Variants in MTBP observed in about 807,000 individuals in gnomAD.
The protein encoded by MTBP is mdm2-binding protein.
In MTBP, 101 loss-of-function variants were observed where a neutral mutation model predicts 117.0. That is an observed-to-expected ratio of 0.86 (90% CI 0.73 to 1.02). MTBP has a LOEUF of 1.02. Ranked by LOEUF, MTBP falls within the 50% of genes least tolerant of loss-of-function variation. MTBP has a pLI of 0.00. For missense variants in MTBP, 970 were observed against 1,030.9 expected (o/e 0.94, Z 0.81); for synonymous variants, 350 against 351.5 (o/e 1.00, Z 0.05).
chr8:120,486,756 C>T (rs1814227014), intron 11 of MTBP, among the ~76,000 whole-genome samples: 1 of 152,138 alleles, frequency 6.6e-6, no homozygotes, highest in African/African-American at 2.4e-5. Context: ...CAGGCTGCGG[C>T]TGAAGTGCTT....
chr8:120,518,260 T>C (rs557131678), intron 19 of MTBP, among the ~76,000 whole-genome samples, 160 bp downstream of exon 19: 3 of 152,142 alleles, frequency 2.0e-5, no homozygotes, highest in East Asian at 3.9e-4. Context: ...GGGGATATAA[T>C]TGAAACAAGA....
chr8:120,473,398 A>G (rs147841395), intron 11 of MTBP: 1 of 152,270 alleles, frequency 6.6e-6, no homozygotes, highest in African/African-American at 2.4e-5. Flanking sequence ...GCATTAAAAT[A>G]CCATTTATAC....
At chr8:120,480,281 G>C (rs1814048975) in intron 11 of MTBP, among the ~76,000 whole-genome samples, 2 of 151,756 alleles carry the variant, frequency 1.3e-5, no homozygotes, top group South Asian at 4.2e-4. Context: ...GTGGTGGCAG[G>C]CACCTGTAAT....
At chr8:120,485,731 T>C (rs1026618591) in intron 11 of MTBP, among the ~76,000 whole-genome samples, 6 of 152,228 alleles carry the variant, frequency 3.9e-5, no homozygotes, top group African/African-American at 1.4e-4. Flanking sequence ...ATTTAGGTAA[T>C]ATATTGTAGC....
At chr8:120,477,446 A>G (rs1055639853) in intron 11 of MTBP, among the ~76,000 whole-genome samples, 13 of 152,250 alleles carry the variant, frequency 8.5e-5, no homozygotes, top group African/African-American at 2.9e-4. Context: ...AAAAGAAACT[A>G]TCATCAGAGT....
chr8:120,445,629 G>A, intron 1 of MTBP, 41 bp downstream of exon 1: 1 of 1,508,808 alleles, frequency 6.6e-7, no homozygotes, highest in African/African-American at 1.4e-5. Flanking sequence ...GGCTTGTGGA[G>A]AGGGGAAGAA....
At chr8:120,465,102 C>G (rs2130536753) in intron 10 of MTBP, among the ~76,000 whole-genome samples, 1 of 152,180 alleles carries the variant, frequency 6.6e-6, no homozygotes, top group Non-Finnish European at 1.5e-5. Context: ...TTTTTAAGTG[C>G]ACTGAGAATA....
intron 7 of MTBP, among the ~76,000 whole-genome samples, chr8:120,457,720 C>T (rs1329637459): frequency 5.3e-5 from 8 of 151,986 alleles, no homozygotes; most frequent in South Asian, 2.1e-4. Flanking sequence ...GTCAGGAGAT[C>T]GAGACCATCC....
chr8:120,466,984 A>T (rs1020763879), intron 10 of MTBP, among the ~76,000 whole-genome samples: 3 of 152,232 alleles, frequency 2.0e-5, no homozygotes, highest in Non-Finnish European at 4.4e-5. Context: ...ATTGGATAGA[A>T]TAAGATGGAC....
intron 17 of MTBP, among the ~76,000 whole-genome samples, chr8:120,513,510 G>A (rs1454804108): frequency 6.6e-6 from 1 of 151,710 alleles, no homozygotes; most frequent in Non-Finnish European, 1.5e-5. Context: ...TTGTTCCGAT[G>A]GCAAATCATA....
chr8:120,486,822 A>C (rs1814229495), intron 11 of MTBP, among the ~76,000 whole-genome samples: 1 of 152,202 alleles, frequency 6.6e-6, no homozygotes, highest in South Asian at 2.1e-4. Context: ...TCTCAACTCA[A>C]TGGATAGAAG....
At position 120,451,026 on chromosome 8, in the gene MTBP, G is replaced by A. The variant is rs1279265046; in HGVS notation, c.223G>A (p.Gly75Ser). 6.2e-7 allele frequency: 1 copy of A among 1,612,198 alleles called. No homozygotes were observed. The highest frequency in any genetic ancestry group is 1.3e-5 in the African/African-American group (1 of 74,946). Residue 75 changes from glycine (G) to serine (S), a missense_variant, in exon 3 of 22, where the codon GGT becomes AGT. Coordinates refer to ENST00000305949, the MANE Select transcript of MTBP (RefSeq NM_022045.5). ...FPACSVGGIPGSKKWFFAVQA... is the reference protein window; with the variant it reads ...FPACSVGGIPSSKKWFFAVQA... ...AGCCTGTTCAGTGGGAGGTATACCT[G>A]GTTCCAAGAAGTGGTTCTTTGCAGT...
At chr8:120,482,510 CTA>C (rs1814107245) in intron 11 of MTBP, among the ~76,000 whole-genome samples, 2 of 152,064 alleles carry the variant, frequency 1.3e-5, no homozygotes, top group African/African-American at 4.8e-5. Context: ...AATGGCTTCT[CTA>C]TTCATTGTAG....
chr8:120,483,524 T>C (rs554968635), intron 11 of MTBP, among the ~76,000 whole-genome samples: 3 of 152,178 alleles, frequency 2.0e-5, no homozygotes, highest in Non-Finnish European at 4.4e-5. Flanking sequence ...TTATTATAAT[T>C]TTGTTTACAT....
At chr8:120,461,428 A>G (rs1242297664) in intron 9 of MTBP, among the ~76,000 whole-genome samples, 173 bp downstream of exon 9, 3 of 152,140 alleles carry the variant, frequency 2.0e-5, no homozygotes, top group African/African-American at 7.2e-5. Context: ...TTGCTGGGGA[A>G]GGAAGTTCTT....
At chr8:120,472,735 G>A (rs1204092395) in intron 11 of MTBP, 1 of 152,168 alleles carries the variant, frequency 6.6e-6, no homozygotes, top group African/African-American at 2.4e-5. Flanking sequence ...CCCAGGACTA[G>A]CCCAGTCTTA....
rs10103515 is a variant in MTBP at position 120,465,222 on chromosome 8, G to C, written c.1047+1461G>C. On this transcript the variant is annotated intron_variant, in intron 10 of 21. Coordinates refer to ENST00000305949, the MANE Select transcript of MTBP (RefSeq NM_022045.5). ...CTTCCTTGTATGGATTGAGAAAATTGTTATTTATCATTAATTATCTATATT... is the reference window on the plus strand; with the variant it reads ...CTTCCTTGTATGGATTGAGAAAATTCTTATTTATCATTAATTATCTATATT... Among the ~76,000 whole-genome samples, 3 of 151,986 alleles carry C rather than the reference G, an allele frequency of 2.0e-5. No individual in the cohort carries two copies. The East Asian group carries it at 5.8e-4, about 29-fold the overall frequency.
intron 20 of MTBP, among the ~76,000 whole-genome samples, chr8:120,519,145 T>C (rs1305050624): frequency 6.6e-6 from 1 of 151,052 alleles, no homozygotes; most frequent in East Asian, 1.9e-4. Context: ...CCATGGGTTC[T>C]GCATCCATGG....
chr8:120,462,131 G>A (rs1011000681), intron 9 of MTBP, among the ~76,000 whole-genome samples: 10 of 152,182 alleles, frequency 6.6e-5, no homozygotes, highest in Admixed American at 3.3e-4. Context: ...AAGACCTTAC[G>A]TATCATGATT....
Sources: allele counts gnomAD v4.1 joint callset (sites outside exome capture counted in the v4.1 genomes callset), GRCh38; gene constraint gnomAD v4.1.1; transcripts MANE v1.5; gene names NCBI Gene and HGNC (gene_info 2026-07-23, HGNC 2026-07-21).